The following MICAL3 variants were observed in gnomAD, a reference collection of about 807,000 sequenced individuals.
The protein encoded by MICAL3 is microtubule associated monooxygenase, calponin and LIM domain containing 3.
MICAL3 carries 62 observed loss-of-function variants against 207.4 expected under a neutral mutation model. The ratio of observed to expected loss-of-function variants is 0.30; its 90% confidence interval spans 0.24 to 0.37. The LOEUF is 0.37. Ranked by LOEUF, MICAL3 falls within the 10% of genes least tolerant of loss-of-function variation. The pLI is 1.00. For missense variants in MICAL3, 2,368 were observed against 2,635.6 expected (o/e 0.90, Z 2.22); for synonymous variants, 1,077 against 1,069.3 (o/e 1.01, Z -0.14).
Position 17,841,160 on chromosome 22 carries a change from C to T in MICAL3, c.2801+662G>A, listed in dbSNP as rs1923965511. On this transcript the variant is annotated intron_variant, in intron 20 of 31. Transcript: ENST00000441493. This position sits in a 1 kb window ranked among gnomAD's most constrained non-coding sequence, Gnocchi z 4.2. ...TCCTGAAGCCCCACAGGACACCGGA[C>T]CCCCTTTTGATTCTTGGCTCTCTTG... 6.6e-6 allele frequency: 1 copy of T among 151,486 alleles called. No individual in the cohort carries two copies. The highest frequency in any genetic ancestry group is 1.5e-5 in the Non-Finnish European group (1 of 67,798). The allele number at this position is 151,486 out of a possible 1,614,324, so 9.4% of individuals were successfully genotyped here.
At chr22:17,911,650 C>T (rs1391056892) in intron 1 of MICAL3, among the ~76,000 whole-genome samples, 4 of 151,656 alleles carry the variant, frequency 2.6e-5, no homozygotes, top group South Asian at 2.1e-4. Context: ...CTGGGCAAGA[C>T]GGTGAGATCC....
Position 17,891,509 on chromosome 22 carries a change from A to G in MICAL3, c.1670T>C (p.Ile557Thr). The change falls in exon 12 of 32, where the codon ATC (isoleucine) becomes ACC (threonine). Residue 557 changes from isoleucine to threonine, a missense_variant. Ile to Thr is a moderately conservative substitution (Grantham distance 89). This residue lies in a region of MICAL3 where 51 missense variants were observed against 87.8 expected (regional missense o/e 0.58). Coordinates refer to ENST00000441493, the MANE Select transcript of MICAL3 (RefSeq NM_015241.3). The part of the protein sequence containing the change: ...WKSGLALCAI[I>T]HRYRPDLIDF... Reference sequence around the variant, plus strand: ...CATCAGGTCAGGGCGGTATCTATGGATAATTGCACAAAGGGCCAAGCCACT... The same window carrying G: ...CATCAGGTCAGGGCGGTATCTATGGGTAATTGCACAAAGGGCCAAGCCACT... 1 of 1,614,024 alleles carries G rather than the reference A, an allele frequency of 6.2e-7. No homozygotes were observed.
At position 17,790,570 on chromosome 22, in the gene MICAL3, C is replaced by A. The variant is rs1255979129; in HGVS notation, c.*162G>T. On this transcript the variant is annotated 3_prime_UTR_variant, in exon 32 of 32. Transcript: ENST00000441493. Reference sequence around the variant, plus strand: ...AGATAACCACTGTCACCTGGGGCTCCCCACTGCACGCGGGACTCGACCACT... The same window carrying A: ...AGATAACCACTGTCACCTGGGGCTCACCACTGCACGCGGGACTCGACCACT... 1.5e-6 allele frequency: 1 copy of A among 655,406 alleles called. No homozygotes were observed. Among genetic ancestry groups the A allele is most frequent in the Non-Finnish European group, 2.6e-6 (1 of 388,820 alleles). 40.6% of individuals were successfully genotyped at this position (655,406 alleles called of 1,614,324 possible).
At chr22:17,995,761 G>A (rs1362593218) in intron 1 of MICAL3, among the ~76,000 whole-genome samples, 4 of 151,652 alleles carry the variant, frequency 2.6e-5, no homozygotes, top group Non-Finnish European at 5.9e-5. Context: ...TGCCCACCTC[G>A]GCCTCTCAAA....
Position 17,871,998 on chromosome 22 carries a change from T to C in MICAL3, c.2267A>G (p.Gln756Arg). 1.2e-6 allele frequency: 2 copies of C among 1,608,460 alleles called. No homozygotes were observed. Among genetic ancestry groups the C allele is most frequent in the Non-Finnish European group, 1.7e-6 (2 of 1,177,688 alleles). ...GCATGTGTCGCTGCCTCCCAGGTTC[T>C]GCGGGAACTCCTTCTTCATGGAGCC... ...RQGSMKKEFP[Q>R]NLGGSDTCYF... The change falls in exon 17 of 32, where the codon CAG (glutamine) becomes CGG (arginine). Residue 756 changes from glutamine to arginine, a missense_variant. Coordinates refer to ENST00000441493, the MANE Select transcript of MICAL3 (RefSeq NM_015241.3).
At chr22:17,948,977 A>G (rs1376065173) in intron 1 of MICAL3, among the ~76,000 whole-genome samples, 1 of 150,770 alleles carries the variant, frequency 6.6e-6, no homozygotes, top group Non-Finnish European at 1.5e-5. Context: ...TGGGAGGCCA[A>G]GGCGGATGGA....
Position 17,818,387 on chromosome 22 carries a change from C to T in MICAL3, c.4274G>A (p.Ser1425Asn). 1.2e-6 allele frequency: 2 copies of T among 1,609,654 alleles called. No individual in the cohort carries two copies. The highest frequency in any genetic ancestry group is 8.5e-7 in the Non-Finnish European group (1 of 1,179,374). ...GCTCCCGTGCAGGCCCAGGCCAGAG[C>T]TGCTGGACAGCTCCCTGCGCTCCTC... ...AQEERRELSS[S>N]SGLGLHGSSS... is the part of the protein sequence containing the mutation. Residue 1425 changes from serine (S) to asparagine (N), a missense_variant, in exon 26 of 32, where the codon AGC (serine) becomes AAC (asparagine). Physicochemically the swap from Ser to Asn is conservative, Grantham distance 46. Coordinates refer to ENST00000441493, the MANE Select transcript of MICAL3 (RefSeq NM_015241.3).
chr22:17,957,206 T>C (rs530090295), intron 1 of MICAL3, among the ~76,000 whole-genome samples: 3 of 152,232 alleles, frequency 2.0e-5, no homozygotes, highest in African/African-American at 4.8e-5. Context: ...TGTCAATCCA[T>C]AGAGTGGGCC....
At chr22:17,870,009 T>C (rs753888476) in intron 17 of MICAL3, among the ~76,000 whole-genome samples, 2 of 152,108 alleles carry the variant, frequency 1.3e-5, no homozygotes, top group African/African-American at 2.4e-5. Flanking sequence ...AGGCTAAAAC[T>C]TCGGTGCCCC....
chr22:17,971,442 T>C lies in MICAL3; in HGVS notation c.-75+52839A>G, dbSNP rs955875596. On this transcript the variant is annotated intron_variant, in intron 1 of 31. Coordinates refer to ENST00000441493, the MANE Select transcript of MICAL3 (RefSeq NM_015241.3). ...AGGTTGCAGTGAGCTATCGCACCATTGCACTCCAGCCTGGGCGACAGTGCA... is the reference window on the plus strand; with the variant it reads ...AGGTTGCAGTGAGCTATCGCACCATCGCACTCCAGCCTGGGCGACAGTGCA... Among the ~76,000 whole-genome samples the C allele has an allele frequency of 1.3e-4, 20 of 152,288 alleles. No individual in the cohort carries two copies. In the East Asian group the frequency reaches 3.3e-3, roughly 25 times the overall value.
chr22:17,891,380 A>G (rs2146233125), intron 12 of MICAL3, 105 bp downstream of exon 12: 1 of 973,926 alleles, frequency 1.0e-6, no homozygotes, highest in East Asian at 2.5e-5. Context: ...AAAGTATCTT[A>G]CTATGTACCT....
rs968919762 is a variant in MICAL3, at chr22:17,789,858, G to A, written c.*874C>T. The A allele has an allele frequency of 2.6e-5, 4 of 152,212 alleles. No individual in the cohort carries two copies. Among genetic ancestry groups the A allele is most frequent in the East Asian group, 1.9e-4 (1 of 5,198 alleles). The allele number at this position is 152,212 out of a possible 1,614,324, so 9.4% of individuals were successfully genotyped here. ...CAAAAAGGGTTTGAAGCGGCTGAGC[G>A]TCTTGCCAGGTTGTCAGCTTCATTT... On this transcript the variant is annotated 3_prime_UTR_variant, in exon 32 of 32. Transcript: ENST00000441493.
At chr22:17,898,470 C>G (rs539856750) in intron 7 of MICAL3, among the ~76,000 whole-genome samples, 1 of 152,338 alleles carries the variant, frequency 6.6e-6, no homozygotes, top group Admixed American at 6.5e-5. Context: ...CTCTCTGCCA[C>G]CGGCACATGC....
intron 19 of MICAL3, chr22:17,862,579 A>G: frequency 6.1e-6 from 6 of 985,322 alleles, no homozygotes; most frequent in Non-Finnish European, 6.0e-6. Flanking sequence ...CTTTTCTGAA[A>G]CTTTTCAAAA....
intron 17 of MICAL3, among the ~76,000 whole-genome samples, chr22:17,866,601 C>CACAGAACAGAATAGA (rs1556037315): frequency 2.7e-5 from 2 of 73,578 alleles, no homozygotes; most frequent in Admixed American, 1.4e-4. Context: ...AAGGGAACAG[C>CACAGAACAGAATAGA]ATAGAACAGA....
At chr22:17,927,354 T>TAC (rs1376252466) in intron 1 of MICAL3, among the ~76,000 whole-genome samples, 1 of 152,238 alleles carries the variant, frequency 6.6e-6, no homozygotes, top group Non-Finnish European at 1.5e-5. Flanking sequence ...GGGCTGTTTC[T>TAC]ACCTTCTGAC....
chr22:17,849,584 C>A (rs1458006688), intron 19 of MICAL3, among the ~76,000 whole-genome samples: 2 of 149,822 alleles, frequency 1.3e-5, no homozygotes, highest in Non-Finnish European at 3.0e-5. Context: ...ATCCTCCTGC[C>A]CTGACTTCCC....
chr22:17,960,388 T>C (rs561578222), intron 1 of MICAL3, among the ~76,000 whole-genome samples: 1 of 152,286 alleles, frequency 6.6e-6, no homozygotes, highest in East Asian at 1.9e-4. Context: ...CAGCAAATAT[T>C]TACTGTTCAC....
intron 1 of MICAL3, among the ~76,000 whole-genome samples, chr22:17,930,634 T>C (rs1933199936): frequency 1.3e-5 from 2 of 152,184 alleles, no homozygotes; most frequent in Non-Finnish European, 2.9e-5. Context: ...GCTCAGACAG[T>C]GGCTACCTGG....
Sources: allele counts gnomAD v4.1 joint callset (sites outside exome capture counted in the v4.1 genomes callset), GRCh38; gene constraint gnomAD v4.1.1; regional missense constraint gnomAD v4.1.1; non-coding constraint Gnocchi (gnomAD v3.1); transcripts MANE v1.5; gene names NCBI Gene and HGNC (gene_info 2026-07-23, HGNC 2026-07-21).